Variants in SH3TC2 observed in about 807,000 individuals in gnomAD.
The protein encoded by SH3TC2 is SH3 domain and tetratricopeptide repeats 2, also known as SH3 domain and tetratricopeptide repeat-containing protein 2.
A neutral mutation model predicts 124.5 loss-of-function variants in SH3TC2; 87 were observed. The observed-to-expected ratio is 0.70, with a 90% confidence interval of 0.59 to 0.84. SH3TC2 has a LOEUF of 0.84. Among genes scored for constraint, SH3TC2 ranks in the 40% least tolerant of loss-of-function variants. The pLI, the probability that SH3TC2 is intolerant of heterozygous loss-of-function variation, is 0.00. For synonymous variants in SH3TC2, 634 were observed against 628.5 expected (o/e 1.01, Z -0.13); for missense variants, 1,536 against 1,566.4 (o/e 0.98, Z 0.33).
rs778203996 is a variant in SH3TC2 at position 149,040,697 on chromosome 5, G to T, written c.732-20C>A. On this transcript the variant is annotated intron_variant, in intron 6 of 16. Coordinates refer to ENST00000515425, the MANE Select transcript of SH3TC2 (RefSeq NM_024577.4). ...AACCACCTGCCAATGAAAACATGGG[G>T]TTTGCAAACACAGATTTCAAAAAAT... 7 of 1,610,928 alleles carry T rather than the reference G, an allele frequency of 4.3e-6. No homozygotes were observed. The highest frequency in any genetic ancestry group is 5.9e-6 in the Non-Finnish European group (7 of 1,177,174).
At chr5:149,012,987 A>C (rs374038198) in intron 12 of SH3TC2, among the ~76,000 whole-genome samples, 2 of 152,166 alleles carry the variant, frequency 1.3e-5, no homozygotes, top group South Asian at 4.1e-4. Flanking sequence ...GATTGTTGTG[A>C]GGATGAAATT....
Position 149,027,066 on chromosome 5 carries a change from G to C in SH3TC2, c.2666C>G (p.Ser889Cys). 1 of 1,614,154 alleles carries C rather than the reference G, an allele frequency of 6.2e-7. No homozygotes were observed. The highest frequency in any genetic ancestry group is 8.5e-7 in the Non-Finnish European group (1 of 1,180,016). The change falls in exon 11 of 17, where the codon TCC becomes TGC. Residue 889 changes from serine to cysteine, a missense_variant. Physicochemically the swap from Ser to Cys is moderately radical, Grantham distance 112. Transcript: ENST00000515425. Reference sequence around the variant, plus strand: ...GTTTCTGGCTGGATGCTGAGCCCAGGACTTAAGGCTCAGGTGGCCAAGATT... The same window carrying C: ...GTTTCTGGCTGGATGCTGAGCCCAGCACTTAAGGCTCAGGTGGCCAAGATT... ...MANLGHLSLK[S>C]WAQHPARNYL... is the part of the protein sequence containing the mutation.
At chr5:149,046,733 C>T (rs1354901984) in intron 3 of SH3TC2, 2 of 152,138 alleles carry the variant, frequency 1.3e-5, no homozygotes. Context: ...CTCAATCAAC[C>T]CTGCTCCTGC....
At position 149,002,460 on chromosome 5, in the gene SH3TC2, T is replaced by C. The variant is rs1192517871; in HGVS notation, c.*2251A>G. 6.6e-6 allele frequency: 1 copy of C among 152,588 alleles called. No individual in the cohort carries two copies. The highest frequency in any genetic ancestry group is 1.5e-5 in the Non-Finnish European group (1 of 68,032). The allele number at this position is 152,588 out of a possible 1,614,324, so 9.5% of individuals were successfully genotyped here. On this transcript the variant is annotated 3_prime_UTR_variant, in exon 17 of 17. Transcript: ENST00000515425. ...AATTAGACAACTGGAAGCTTCTCCTTCCTGGAGAATACTCTCTAGAGTAGA... is the reference window on the plus strand; with the variant it reads ...AATTAGACAACTGGAAGCTTCTCCTCCCTGGAGAATACTCTCTAGAGTAGA...
chr5:149,008,799 C>T, intron 15 of SH3TC2, 52 bp downstream of exon 15: 2 of 1,612,118 alleles, frequency 1.2e-6, no homozygotes, highest in Non-Finnish European at 8.5e-7. Context: ...GCTGTCTATC[C>T]TTGACTAATC....
chr5:149,013,212 T>C (rs1395097543), intron 12 of SH3TC2, among the ~76,000 whole-genome samples: 1 of 152,152 alleles, frequency 6.6e-6, no homozygotes, highest in African/African-American at 2.4e-5. Flanking sequence ...AATCCCCATA[T>C]GTCGTGGGAG....
Position 149,060,352 on chromosome 5 carries a change from C to A in SH3TC2, c.52+2619G>T, listed in dbSNP as rs1468053818. Among the ~76,000 whole-genome samples, 5 of 152,186 alleles carry A rather than the reference C, an allele frequency of 3.3e-5. No homozygotes were observed. In the East Asian group the frequency reaches 9.6e-4, roughly 29 times the overall value. On this transcript the variant is annotated intron_variant, in intron 1 of 16. Coordinates refer to ENST00000515425, the MANE Select transcript of SH3TC2 (RefSeq NM_024577.4). The stretch of plus-strand genomic sequence containing the variant: ...AGAGATGATAGCAACTGATCAGAAC[C>A]TATCCTCTCACCATGTGCAGTCCCC...
At chr5:149,010,979 GGT>G (rs1258921925) in intron 13 of SH3TC2, among the ~76,000 whole-genome samples, 1 of 152,106 alleles carries the variant, frequency 6.6e-6, no homozygotes, top group Non-Finnish European at 1.5e-5. Flanking sequence ...AACAAATGTT[GGT>G]GTCTTCCATC....
chr5:149,031,734 G>T, intron 8 of SH3TC2, 47 bp from the exon 9 acceptor site: 1 of 1,611,596 alleles, frequency 6.2e-7, no homozygotes, highest in South Asian at 1.1e-5. Context: ...CAAGGCTTCA[G>T]ACTCCATCTC....
chr5:149,052,281 G>T, intron 1 of SH3TC2, 41 bp from the exon 2 acceptor site: 1 of 1,473,496 alleles, frequency 6.8e-7, no homozygotes, highest in South Asian at 1.1e-5. Flanking sequence ...AGAGTGTAAG[G>T]AAGTTGAAAG....
At chr5:149,059,226 C>A (rs774528437) in intron 1 of SH3TC2, among the ~76,000 whole-genome samples, 1 of 152,046 alleles carries the variant, frequency 6.6e-6, no homozygotes, top group Non-Finnish European at 1.5e-5. Context: ...GATCACACAG[C>A]AAATTAACAA....
chr5:149,006,413 T>C (rs752026185), intron 16 of SH3TC2, among the ~76,000 whole-genome samples: 1 of 152,250 alleles, frequency 6.6e-6, no homozygotes, highest in Non-Finnish European at 1.5e-5. Context: ...TCTCATAAAA[T>C]GTAGCTTTAC....
chr5:149,009,311 G>A (rs991119506), intron 14 of SH3TC2, among the ~76,000 whole-genome samples: 1 of 152,206 alleles, frequency 6.6e-6, no homozygotes, highest in South Asian at 2.1e-4. Flanking sequence ...CTTCTCAGCT[G>A]TGTGCTCCCC....
intron 1 of SH3TC2, among the ~76,000 whole-genome samples, chr5:149,056,177 T>C (rs959392426): frequency 1.3e-5 from 2 of 152,166 alleles, no homozygotes; most frequent in Non-Finnish European, 2.9e-5. Flanking sequence ...ACTTATATCA[T>C]GGAGGTTTGT....
intron 1 of SH3TC2, among the ~76,000 whole-genome samples, chr5:149,055,316 C>T (rs1246150174): frequency 2.0e-5 from 3 of 151,714 alleles, no homozygotes. Flanking sequence ...TAAGGAATGC[C>T]AAAAATCTTT....
rs1580879087 is a variant in SH3TC2, at chr5:148,992,929, G to C, written c.*11782C>G. Among the ~76,000 whole-genome samples, 1 of 152,064 alleles carries C rather than the reference G, an allele frequency of 6.6e-6. No individual in the cohort carries two copies. The highest frequency in any genetic ancestry group is 1.9e-4 in the East Asian group (1 of 5,194). On this transcript the variant is annotated 3_prime_UTR_variant, in exon 17 of 17. Transcript: ENST00000515425. ...CACATATATCATTGACTTTAACTTT[G>C]GTCCTCTGTATCTCATCATTTCCTT... is the stretch of plus-strand genomic sequence containing the variant.
rs746538256 is a variant in SH3TC2 at position 149,027,299 on chromosome 5, C to G, written c.2433G>C (p.Gln811His). ...CLAWAYLLASQAKKALDVLEP... is the reference protein window; with the variant it reads ...CLAWAYLLASHAKKALDVLEP... ...CAAGCACATCCAAAGCCTTCTTGGC[C>G]TGGCTGGCTAAGAGATAGGCCCATG... is the stretch of plus-strand genomic sequence containing the variant. Residue 811 changes from glutamine (Q) to histidine (H), a missense_variant, in exon 11 of 17, where the codon CAG becomes CAC. Gln to His is a conservative substitution (Grantham distance 24). Transcript: ENST00000515425. The G allele has an allele frequency of 1.2e-6, 2 of 1,613,968 alleles. No homozygotes were observed. Among genetic ancestry groups the G allele is most frequent in the African/African-American group, 2.7e-5 (2 of 74,956 alleles).
At chr5:149,044,154 G>T in intron 4 of SH3TC2, 1 of 230,094 alleles carries the variant, frequency 4.3e-6, no homozygotes, top group Non-Finnish European at 8.7e-6. Flanking sequence ...TGACTATGTT[G>T]AGCAGCTACT....
chr5:149,027,846 C>T lies in SH3TC2; in HGVS notation c.1886G>A (p.Ser629Asn), dbSNP rs771216937. ...AAAGCAGGCCCTGGCCTCCAGCGGG[C>T]TGCTGCCCACCACAATCCCCTGGCG... is the stretch of plus-strand genomic sequence containing the variant. ...VLRQGIVVGSSPLEARACFLA... is the reference protein window; with the variant it reads ...VLRQGIVVGSNPLEARACFLA... The change falls in exon 11 of 17, where the codon AGC becomes AAC. Residue 629 changes from serine to asparagine, a missense_variant. Physicochemically the swap from Ser to Asn is conservative, Grantham distance 46 (BLOSUM62 1). Transcript: ENST00000515425. 6.2e-7 allele frequency: 1 copy of T among 1,613,772 alleles called. No homozygotes were observed. Among genetic ancestry groups the T allele is most frequent in the Non-Finnish European group, 8.5e-7 (1 of 1,180,044 alleles).
Sources: gnomAD v4.1 joint callset for allele counts (sites outside exome capture counted in the v4.1 genomes callset) on GRCh38, gnomAD v4.1.1 for gene constraint, MANE v1.5 for transcripts, NCBI Gene and HGNC (gene_info 2026-07-23, HGNC 2026-07-21) for gene names.